TRABD2B: variants seen among roughly 807,000 people sequenced by gnomAD.
TRABD2B encodes metalloprotease TIKI2.
In TRABD2B, 14 loss-of-function variants were observed where a neutral mutation model predicts 40.1. That is an observed-to-expected ratio of 0.35 (90% CI 0.23 to 0.55). TRABD2B has a LOEUF of 0.55. Ranked by LOEUF, TRABD2B falls within the 20% of genes least tolerant of loss-of-function variation. TRABD2B has a pLI of 0.90. For synonymous variants in TRABD2B, 263 were observed against 277.0 expected (o/e 0.95, Z 0.50); for missense variants, 541 against 648.6 (o/e 0.83, Z 1.80).
At chr1:47,810,064 A>T (rs1056478709) in intron 2 of TRABD2B, among the ~76,000 whole-genome samples, 2 of 152,144 alleles carry the variant, frequency 1.3e-5, no homozygotes, top group African/African-American at 4.8e-5. Context: ...CCATAAAGAA[A>T]CAAGAAGTAA....
At chr1:47,874,027 C>G (rs1644182708) in intron 2 of TRABD2B, among the ~76,000 whole-genome samples, 4 of 152,032 alleles carry the variant, frequency 2.6e-5, no homozygotes, top group African/African-American at 9.7e-5. Context: ...GTGACCCTGT[C>G]TTAGAGAAAG....
intron 2 of TRABD2B, among the ~76,000 whole-genome samples, chr1:47,985,563 T>C (rs1042573781): frequency 3.3e-5 from 5 of 152,232 alleles, no homozygotes; most frequent in African/African-American, 1.2e-4. Flanking sequence ...CACACATCTC[T>C]TAAGGCCCTA....
chr1:47,909,176 T>C (rs1420575833), intron 2 of TRABD2B, among the ~76,000 whole-genome samples: 1 of 152,236 alleles, frequency 6.6e-6, no homozygotes, highest in East Asian at 1.9e-4. Flanking sequence ...AATTTTCTCT[T>C]TAACTGTGCA....
chr1:47,800,544 G>A (rs1183349398), intron 3 of TRABD2B, among the ~76,000 whole-genome samples: 3 of 152,214 alleles, frequency 2.0e-5, no homozygotes, highest in Non-Finnish European at 4.4e-5. Flanking sequence ...GGCCATGCAG[G>A]CCACTGTAGA....
intron 2 of TRABD2B, among the ~76,000 whole-genome samples, chr1:47,910,812 A>G (rs778305364): frequency 2.0e-5 from 3 of 151,918 alleles, no homozygotes; most frequent in Non-Finnish European, 4.4e-5. Context: ...TAGTAATAAA[A>G]CTCCTCATTT....
intron 2 of TRABD2B, among the ~76,000 whole-genome samples, chr1:47,959,278 C>T (rs1645473487): frequency 6.6e-6 from 1 of 152,100 alleles, no homozygotes; most frequent in Non-Finnish European, 1.5e-5. Flanking sequence ...CTAAAATTGA[C>T]ACCCTGACAT....
intron 2 of TRABD2B, among the ~76,000 whole-genome samples, chr1:47,844,551 G>A (rs1645442586): frequency 6.6e-6 from 1 of 152,224 alleles, no homozygotes; most frequent in Admixed American, 6.5e-5. Flanking sequence ...CTGGGACTCA[G>A]GTGTGCTAAG....
At chr1:47,951,266 A>C (rs1369606569) in intron 2 of TRABD2B, among the ~76,000 whole-genome samples, 2 of 152,200 alleles carry the variant, frequency 1.3e-5, no homozygotes, top group Non-Finnish European at 2.9e-5. Context: ...CTGAAACCCA[A>C]CCAAGGGGCC....
chr1:47,953,631 C>T (rs897004573), intron 2 of TRABD2B, among the ~76,000 whole-genome samples: 1 of 152,186 alleles, frequency 6.6e-6, no homozygotes, highest in Admixed American at 6.5e-5. Flanking sequence ...GTCACTTCAC[C>T]TCTTTGAGTC....
chr1:47,963,820 G>A (rs1187081578), intron 2 of TRABD2B, among the ~76,000 whole-genome samples: 1 of 152,154 alleles, frequency 6.6e-6, no homozygotes, highest in African/African-American at 2.4e-5. Context: ...AAGACAGAAA[G>A]GGAACAGAAA....
intron 2 of TRABD2B, among the ~76,000 whole-genome samples, chr1:47,981,103 G>A (rs903229481): frequency 2.0e-5 from 3 of 151,926 alleles, no homozygotes; most frequent in East Asian, 1.9e-4. Context: ...CTGCCTCCAG[G>A]GTTCAGTTCA....
At position 47,765,366 on chromosome 1, in the gene TRABD2B, G is replaced by A. The variant is rs990322175; in HGVS notation, c.*536C>T. 1 of 153,664 alleles carries A rather than the reference G, an allele frequency of 6.5e-6. No homozygotes were observed. Among genetic ancestry groups the A allele is most frequent in the African/African-American group, 2.4e-5 (1 of 41,446 alleles). 9.5% of individuals were successfully genotyped at this position (153,664 alleles called of 1,614,324 possible). A position where few individuals can be genotyped will look rare whatever the true frequency, so the allele number is the denominator to read the frequency against. On this transcript the variant is annotated 3_prime_UTR_variant, in exon 7 of 7. Transcript: ENST00000606738. ...TTCTCTTTCCTAAATTATCTTCCCA[G>A]GCCGCGGGTGCATCCAGCAGAGGGG...
chr1:47,828,329 C>T (rs1396367511), intron 2 of TRABD2B, among the ~76,000 whole-genome samples: 28 of 152,148 alleles, frequency 1.8e-4, no homozygotes, highest in African/African-American at 2.4e-5. Flanking sequence ...ACTGAAAATC[C>T]CCCACCAAGT....
At chr1:47,825,273 G>A (rs1159046880) in intron 2 of TRABD2B, among the ~76,000 whole-genome samples, 1 of 152,154 alleles carries the variant, frequency 6.6e-6, no homozygotes, top group Non-Finnish European at 1.5e-5. Context: ...CCTGCTGATG[G>A]AATTACCTTC....
At chr1:47,811,328 A>T (rs1346963591) in intron 2 of TRABD2B, among the ~76,000 whole-genome samples, 1 of 151,934 alleles carries the variant, frequency 6.6e-6, no homozygotes, top group Non-Finnish European at 1.5e-5. Context: ...CCTCTAGTAC[A>T]GCTGTCGCCT....
chr1:47,794,487 TG>T, intron 4 of TRABD2B, 98 bp downstream of exon 4: 1 of 1,341,232 alleles, frequency 7.5e-7, no homozygotes, highest in Non-Finnish European at 9.8e-7. Context: ...TGCCCCATCC[TG>T]GGCCTCGACT....
intron 2 of TRABD2B, among the ~76,000 whole-genome samples, chr1:47,870,112 T>C (rs1169136490): frequency 6.6e-6 from 1 of 152,170 alleles, no homozygotes; most frequent in Non-Finnish European, 1.5e-5. Context: ...GATTTAAAAT[T>C]TCACCAATCA....
intron 2 of TRABD2B, among the ~76,000 whole-genome samples, chr1:47,977,877 T>C (rs1303240562): frequency 4.6e-5 from 7 of 152,074 alleles, no homozygotes; most frequent in African/African-American, 1.7e-4. Flanking sequence ...GGAGATGTCC[T>C]GGTTCAGCCC....
At chr1:47,772,016 G>A (rs1362193189) in intron 6 of TRABD2B, among the ~76,000 whole-genome samples, 2 of 152,074 alleles carry the variant, frequency 1.3e-5, no homozygotes, top group Non-Finnish European at 2.9e-5. Context: ...CTCGCAGTCT[G>A]TGCTACTGTG....
Sources: allele counts gnomAD v4.1 joint callset (sites outside exome capture counted in the v4.1 genomes callset), GRCh38; gene constraint gnomAD v4.1.1; transcripts MANE v1.5; gene names NCBI Gene and HGNC (gene_info 2026-07-23, HGNC 2026-07-21).